The following MAP2K5 variants were observed in gnomAD, a reference collection of about 807,000 sequenced individuals.
MAP2K5 encodes the protein dual specificity mitogen-activated protein kinase kinase 5.
In MAP2K5, 49 loss-of-function variants were observed where a neutral mutation model predicts 83.1. The ratio of observed to expected loss-of-function variants is 0.59; its 90% CI spans 0.47 to 0.75. The LOEUF is 0.75. MAP2K5 is among the 30% of genes least tolerant of loss of function. The probability of loss-of-function intolerance (pLI) is 0.00; values close to 1 mark genes in which losing one functional copy is unlikely to be tolerated. For synonymous variants in MAP2K5, 202 were observed against 191.8 expected (o/e 1.05, Z -0.44); for missense variants, 457 against 557.5 (o/e 0.82, Z 1.82).
chr15:67,700,769 A>T (rs1256545855), intron 15 of MAP2K5, among the ~76,000 whole-genome samples: 2 of 151,906 alleles, frequency 1.3e-5, no homozygotes, highest in East Asian at 3.9e-4. Flanking sequence ...TTTGCTGAAA[A>T]TTTTTGCTCA....
chr15:67,564,857 A>G (rs182117102), intron 3 of MAP2K5, among the ~76,000 whole-genome samples: 1 of 152,338 alleles, frequency 6.6e-6, no homozygotes, highest in East Asian at 1.9e-4. Context: ...TATGTATTCA[A>G]CTTAACCACA....
chr15:67,673,065 C>A (rs974032072), intron 13 of MAP2K5, among the ~76,000 whole-genome samples: 1 of 152,092 alleles, frequency 6.6e-6, no homozygotes, highest in Non-Finnish European at 1.5e-5. Context: ...TTTACTGTAG[C>A]CTTGTAGTAT....
rs923375445 is a variant in MAP2K5 at position 67,758,709 on chromosome 15, A to G, written c.1134+10108A>G. On this transcript the variant is annotated intron_variant, in intron 19 of 21. Coordinates refer to ENST00000178640, the MANE Select transcript of MAP2K5 (RefSeq NM_145160.3). The surrounding 1 kb of genome is among the most constrained non-coding windows in gnomAD (Gnocchi z 4.7). ...TAGATATGGTTCTCTACCAGAATTC[A>G]GAAGTCTAAGCCTTAACCTTTGTGG... Among the ~76,000 whole-genome samples, 1 of 152,214 alleles carries G rather than the reference A, an allele frequency of 6.6e-6. No individual in the cohort carries two copies. The highest frequency in any genetic ancestry group is 2.1e-4 in the South Asian group (1 of 4,828).
chr15:67,694,006 C>T (rs2088182126), intron 15 of MAP2K5, among the ~76,000 whole-genome samples: 1 of 151,630 alleles, frequency 6.6e-6, no homozygotes, highest in Non-Finnish European at 1.5e-5. Context: ...TTATGGATCT[C>T]TGAATGTAAA....
intron 4 of MAP2K5, among the ~76,000 whole-genome samples, chr15:67,582,823 A>AAC (rs10579310): frequency 0.08 from 11,894 of 148,124 alleles, 541 homozygotes; most frequent in South Asian, 0.17. Context: ...ATTGTCTCAA[A>AAC]ACACACACAC....
intron 3 of MAP2K5, among the ~76,000 whole-genome samples, chr15:67,580,429 G>A (rs1162254720): frequency 2.6e-5 from 4 of 152,180 alleles, no homozygotes; most frequent in African/African-American, 9.6e-5. Flanking sequence ...AAAAGAGCAA[G>A]AGGCAATTTG....
At chr15:67,699,291 G>A (rs1462804649) in intron 15 of MAP2K5, among the ~76,000 whole-genome samples, 4 of 152,070 alleles carry the variant, frequency 2.6e-5, no homozygotes, top group African/African-American at 4.8e-5. Flanking sequence ...TCACAGTCAG[G>A]CAAGAGGGGC....
At chr15:67,617,242 C>T (rs1301489253) in intron 8 of MAP2K5, among the ~76,000 whole-genome samples, 7 of 152,154 alleles carry the variant, frequency 4.6e-5, no homozygotes, top group Non-Finnish European at 8.8e-5. Context: ...AGGCCAGCCT[C>T]CCCCATTCTT....
At chr15:67,656,279 C>T (rs1167961987) in intron 11 of MAP2K5, among the ~76,000 whole-genome samples, 1 of 151,786 alleles carries the variant, frequency 6.6e-6, no homozygotes, top group Non-Finnish European at 1.5e-5. Context: ...AAAAAGTTCA[C>T]ATGTGATTCT....
At chr15:67,797,698 T>G (rs187015565) in intron 21 of MAP2K5, among the ~76,000 whole-genome samples, 99 of 152,342 alleles carry the variant, frequency 6.5e-4, no homozygotes, top group Admixed American at 1.1e-3. Flanking sequence ...GTTCTTTTTT[T>G]TTGAGACAGA....
chr15:67,614,719 G>A (rs896098436), intron 8 of MAP2K5, among the ~76,000 whole-genome samples: 2 of 152,142 alleles, frequency 1.3e-5, no homozygotes, highest in African/African-American at 4.8e-5. Context: ...ATCAACTTGT[G>A]GAAGAAATAT....
At chr15:67,642,319 C>A in intron 9 of MAP2K5, 1 of 799,512 alleles carries the variant, frequency 1.3e-6, no homozygotes, top group South Asian at 2.0e-5. Flanking sequence ...GAGTTAGACC[C>A]TGTGTGGAGT....
chr15:67,767,545 C>A (rs1346602302), intron 19 of MAP2K5, among the ~76,000 whole-genome samples: 2 of 152,198 alleles, frequency 1.3e-5, no homozygotes. Context: ...ACACCTCAGA[C>A]TTTGAACTAT....
chr15:67,550,153 A>T, intron 2 of MAP2K5, 71 bp downstream of exon 2: 1 of 1,206,074 alleles, frequency 8.3e-7, no homozygotes, highest in Non-Finnish European at 1.2e-6. Context: ...TATGGGTGGC[A>T]TTACTTTAGA....
intron 9 of MAP2K5, among the ~76,000 whole-genome samples, chr15:67,632,891 C>T (rs1475953646): frequency 2.0e-5 from 3 of 152,162 alleles, no homozygotes; most frequent in South Asian, 2.1e-4. Context: ...GAATGTGTTA[C>T]GTGGCATTAT....
At chr15:67,634,017 G>A (rs567343142) in intron 9 of MAP2K5, among the ~76,000 whole-genome samples, 98 of 152,010 alleles carry the variant, frequency 6.4e-4, no homozygotes, top group Middle Eastern at 6.8e-3. Flanking sequence ...AATTTGTTGA[G>A]ACTTATATTA....
chr15:67,787,173 G>C (rs2090434744), intron 21 of MAP2K5, among the ~76,000 whole-genome samples: 1 of 152,228 alleles, frequency 6.6e-6, no homozygotes, highest in African/African-American at 2.4e-5. Flanking sequence ...CCTGCCCCTG[G>C]TGGGCCAGAC....
chr15:67,716,025 T>C (rs1016341406), intron 16 of MAP2K5, among the ~76,000 whole-genome samples: 1 of 152,226 alleles, frequency 6.6e-6, no homozygotes. Flanking sequence ...ATATATTCAT[T>C]TGGTCACTCA....
At chr15:67,582,816 G>A (rs1274997537) in intron 4 of MAP2K5, among the ~76,000 whole-genome samples, 2 of 104,774 alleles carry the variant, frequency 1.9e-5, no homozygotes, top group African/African-American at 6.6e-5. Flanking sequence ...GCAATACATT[G>A]TCTCAAAACA....
Sources: gnomAD v4.1 joint callset for allele counts (sites outside exome capture counted in the v4.1 genomes callset) on GRCh38, gnomAD v4.1.1 for gene constraint, Gnocchi (gnomAD v3.1) non-coding constraint, MANE v1.5 for transcripts, NCBI Gene and HGNC (gene_info 2026-07-23, HGNC 2026-07-21) for gene names.